The following IL2RB variants were observed in gnomAD, a reference collection of about 807,000 sequenced individuals.
The protein encoded by IL2RB is interleukin-2 receptor subunit beta.
In IL2RB, 17 loss-of-function variants were observed where a neutral mutation model predicts 44.2. The ratio of observed to expected loss-of-function variants is 0.38; its 90% CI spans 0.26 to 0.58. The LOEUF (loss-of-function observed/expected upper bound fraction) is 0.58, where lower values mean the gene tolerates loss of function less well. IL2RB is among the 20% of genes least tolerant of loss of function. The probability of loss-of-function intolerance (pLI) is 0.63; values close to 1 mark genes in which losing one functional copy is unlikely to be tolerated. For missense variants in IL2RB, 624 were observed against 685.5 expected, an observed-to-expected ratio of 0.91 and a Z score of 1.00; for synonymous variants, 286 against 297.9, an observed-to-expected ratio of 0.96 and a Z score of 0.41.
intron 5 of IL2RB, among the ~76,000 whole-genome samples, chr22:37,138,597 C>T (rs890157694): frequency 6.6e-6 from 1 of 152,206 alleles, no homozygotes; most frequent in Non-Finnish European, 1.5e-5. Context: ...ACAGGGGTGG[C>T]AGAGACTCTG....
At chr22:37,154,118 C>T (rs1042707496), upstream of IL2RB, among the ~76,000 whole-genome samples, 1 of 152,214 alleles carries the variant, frequency 6.6e-6, no homozygotes, top group African/African-American at 2.4e-5. Flanking sequence ...ACTCTCCACC[C>T]TCGTGCCCCT....
At chr22:37,146,970 C>T (rs952913757) in intron 1 of IL2RB, among the ~76,000 whole-genome samples, 2 of 152,210 alleles carry the variant, frequency 1.3e-5, no homozygotes, top group East Asian at 3.9e-4. Context: ...GAGGCCCACG[C>T]ACTGTCAAAG....
At chr22:37,162,463 C>T (rs1449202156) in intron 1 of IL2RB, among the ~76,000 whole-genome samples, 1 of 152,170 alleles carries the variant, frequency 6.6e-6, no homozygotes, top group Non-Finnish European at 1.5e-5. Context: ...GTGAGGCCCA[C>T]GCACACACCA....
At chr22:37,160,229 G>C (rs1274259796) in intron 1 of IL2RB, among the ~76,000 whole-genome samples, 1 of 152,244 alleles carries the variant, frequency 6.6e-6, no homozygotes, top group Non-Finnish European at 1.5e-5. Context: ...GCAGCTCCCT[G>C]TGGGGAGCAG....
intron 1 of IL2RB, among the ~76,000 whole-genome samples, chr22:37,170,158 A>G (rs906281683): frequency 9.9e-5 from 15 of 152,156 alleles, no homozygotes; most frequent in Non-Finnish European, 1.3e-4. Flanking sequence ...AGACGGATGG[A>G]CAGACAGTGG....
chr22:37,162,428 C>T (rs1238903801), intron 1 of IL2RB, among the ~76,000 whole-genome samples: 3 of 152,186 alleles, frequency 2.0e-5, no homozygotes, highest in Non-Finnish European at 4.4e-5. Context: ...TGGAAGGCTA[C>T]CTAAATGCGC....
chr22:37,168,844 C>T (rs911008377), intron 1 of IL2RB, among the ~76,000 whole-genome samples: 41 of 152,372 alleles, frequency 2.7e-4, no homozygotes, highest in African/African-American at 9.4e-4. Flanking sequence ...CTTCCCTCCA[C>T]GCCCAGTGCC....
At chr22:37,161,607 C>A (rs1171902231) in intron 1 of IL2RB, among the ~76,000 whole-genome samples, 1 of 149,248 alleles carries the variant, frequency 6.7e-6, no homozygotes, top group African/African-American at 2.5e-5. Context: ...AGCATGTGAC[C>A]AGGTTCCCCC....
intron 1 of IL2RB, among the ~76,000 whole-genome samples, chr22:37,158,118 C>G (rs1235640620): frequency 6.6e-6 from 1 of 152,050 alleles, no homozygotes; most frequent in African/African-American, 2.4e-5. Context: ...ACAGAGTGAC[C>G]CATGTTGAAC....
At position 37,126,394 on chromosome 22, in the gene IL2RB, C is replaced by T. The variant is rs1921111843; in HGVS notation, c.*1702G>A. 1 of 152,168 alleles carries T rather than the reference C, an allele frequency of 6.6e-6. No individual in the cohort carries two copies. Among genetic ancestry groups the T allele is most frequent in the African/African-American group, 2.4e-5 (1 of 41,430 alleles). The allele number at this position is 152,168 out of a possible 1,614,324, so 9.4% of individuals were successfully genotyped here. A position where few individuals can be genotyped will look rare whatever the true frequency, so the allele number is the denominator to read the frequency against. On this transcript the variant is annotated 3_prime_UTR_variant, in exon 10 of 10. Transcript: ENST00000216223. ...CAGTAGGTATTTTTGTATTGGGAACCCAAGGTCCTCTGCTTAGTGGCTCAA... is the reference window on the plus strand; with the variant it reads ...CAGTAGGTATTTTTGTATTGGGAACTCAAGGTCCTCTGCTTAGTGGCTCAA...
rs1292576329 is a variant in IL2RB at position 37,128,605 on chromosome 22, T to C, written c.1147A>G (p.Thr383Ala). The C allele has an allele frequency of 1.2e-6, 2 of 1,613,920 alleles. No individual in the cohort carries two copies. ...TCTTCCTCTGAGTAGGGGTCGTAAG[T>C]AAAGTACACCTGGCAGGCCTCTATC... ...LEIEACQVYF[T>A]YDPYSEEDPD... The change falls in exon 10 of 10, where the codon ACT (threonine) becomes GCT (alanine). Residue 383 changes from threonine (T) to alanine (A), a missense_variant. Around this residue, in one of 3 missense-constraint regions of IL2RB, gnomAD observed 291 missense variants for 275.5 expected, o/e 1.06. Coordinates refer to ENST00000216223, the MANE Select transcript of IL2RB (RefSeq NM_000878.5). The surrounding 1 kb of genome is among the most constrained non-coding windows in gnomAD (Gnocchi z 4.5).
intron 1 of IL2RB, among the ~76,000 whole-genome samples, chr22:37,163,263 A>T (rs951248904): frequency 1.3e-5 from 2 of 152,008 alleles, no homozygotes; most frequent in African/African-American, 4.8e-5. Context: ...AGCTGCAGAG[A>T]CCCCTTTGAG....
In IL2RB at chr22:37,130,544, C is replaced by A. The variant is rs375118294; in HGVS notation, c.904-1696G>T. On this transcript the variant is annotated intron_variant, in intron 9 of 9. Transcript: ENST00000216223. ...GAAAAGGTGGGGCCTGCTTTGCCAT[C>A]CCCAACCCCCAGCCACATCATGCCT... 1.6e-3 allele frequency among the ~76,000 whole-genome samples: 245 copies of A among 152,342 alleles called. 2 individuals carry two copies. Among genetic ancestry groups the A allele is most frequent in the Middle Eastern group, 6.8e-3 (2 of 294 alleles).
Position 37,125,997 on chromosome 22 carries a change from G to A in IL2RB, c.*2099C>T, listed in dbSNP as rs1158508353. ...ATATTAAGGAAATAATCACAAAGAT[G>A]GTACACACGGATCATTAAAAGATAC... On this transcript the variant is annotated 3_prime_UTR_variant, in exon 10 of 10. Coordinates refer to ENST00000216223, the MANE Select transcript of IL2RB (RefSeq NM_000878.5). The A allele has an allele frequency of 6.6e-6, 1 of 152,082 alleles. No homozygotes were observed. The highest frequency in any genetic ancestry group is 1.5e-5 in the Non-Finnish European group (1 of 68,024). 9.4% of individuals were successfully genotyped at this position (152,082 alleles called of 1,614,324 possible).
chr22:37,146,371 G>C (rs562328127), intron 1 of IL2RB, among the ~76,000 whole-genome samples: 2 of 152,192 alleles, frequency 1.3e-5, no homozygotes, highest in South Asian at 4.1e-4. Flanking sequence ...CCGGAATGAG[G>C]TCAGCCCACC....
At chr22:37,157,724 C>G (rs1229492992) in intron 1 of IL2RB, among the ~76,000 whole-genome samples, 1 of 152,190 alleles carries the variant, frequency 6.6e-6, no homozygotes, top group Admixed American at 6.5e-5. Context: ...AGCCAGTTAC[C>G]ATATCTCATG....
chr22:37,137,703 C>T lies in IL2RB; in HGVS notation c.421G>A (p.Val141Ile). 2 of 1,614,082 alleles carry T rather than the reference C, an allele frequency of 1.2e-6. No individual in the cohort carries two copies. Among genetic ancestry groups the T allele is most frequent in the Non-Finnish European group, 1.7e-6 (2 of 1,179,984 alleles). Reference sequence around the variant, plus strand: ...TTGCATCTGTGGGTCTCCACGTGGACAACTTGGAGGGAGATGGGGGCCATC... The same window carrying T: ...TTGCATCTGTGGGTCTCCACGTGGATAACTTGGAGGGAGATGGGGGCCATC... ...RLMAPISLQV[V>I]HVETHRCNIS... Residue 141 changes from valine to isoleucine, a missense_variant, in exon 6 of 10, where the codon GTC (valine) becomes ATC (isoleucine). Around this residue, in one of 3 missense-constraint regions of IL2RB, gnomAD observed 255 missense variants for 339.9 expected, o/e 0.75. Coordinates refer to ENST00000216223, the MANE Select transcript of IL2RB (RefSeq NM_000878.5).
rs1368400134 is a variant in IL2RB, at chr22:37,141,921, C to T, written c.282+513G>A. On this transcript the variant is annotated intron_variant, in intron 4 of 9. Coordinates refer to ENST00000216223, the MANE Select transcript of IL2RB (RefSeq NM_000878.5). This position sits in a 1 kb window ranked among gnomAD's most constrained non-coding sequence, Gnocchi z 4.4. ...CTGAAAAACAAGGCCCTTGTTGGGC[C>T]TTGACCCAACAAGGTAGGTGCCATT... Among the ~76,000 whole-genome samples the T allele has an allele frequency of 2.0e-5, 3 of 152,152 alleles. No homozygotes were observed. Among genetic ancestry groups the T allele is most frequent in the African/African-American group, 7.2e-5 (3 of 41,436 alleles).
chr22:37,153,852 G>A (rs1438692447), upstream of IL2RB, among the ~76,000 whole-genome samples: 4 of 152,148 alleles, frequency 2.6e-5, no homozygotes, highest in Non-Finnish European at 5.9e-5. Context: ...AAATGCATCC[G>A]CAGCCAAAGC....
Sources: allele counts gnomAD v4.1 joint callset (sites outside exome capture counted in the v4.1 genomes callset), GRCh38; gene constraint gnomAD v4.1.1; regional missense constraint gnomAD v4.1.1; non-coding constraint Gnocchi (gnomAD v3.1); transcripts MANE v1.5; gene names NCBI Gene and HGNC (gene_info 2026-07-23, HGNC 2026-07-21).